The following UNKL variants were observed in gnomAD, a reference collection of about 807,000 sequenced individuals.
UNKL encodes putative E3 ubiquitin-protein ligase UNKL.
UNKL carries 60 observed loss-of-function variants against 78.0 expected under a neutral mutation model. That is an observed-to-expected ratio of 0.77 (90% confidence interval 0.63 to 0.95). The LOEUF (loss-of-function observed/expected upper bound fraction) is 0.95. Ranked by LOEUF, UNKL falls within the 40% of genes least tolerant of loss-of-function variation. The pLI is 0.00. For synonymous variants in UNKL, 608 were observed against 474.8 expected (o/e 1.28, Z -3.65); for missense variants, 1,159 against 1,045.7 (o/e 1.11, Z -1.49).
chr16:1,401,940 C>G (rs1192165797), intron 3 of UNKL, among the ~76,000 whole-genome samples: 4 of 152,210 alleles, frequency 2.6e-5, no homozygotes, highest in African/African-American at 7.2e-5. Context: ...CTCTGTCCCC[C>G]AGGCTGGAGT....
chr16:1,389,670 AG>A (rs1159821901), intron 9 of UNKL, among the ~76,000 whole-genome samples: 1 of 152,358 alleles, frequency 6.6e-6, no homozygotes, highest in African/African-American at 2.4e-5. Context: ...AAGAGACCCC[AG>A]GGATGCCCAC....
chr16:1,394,387 C>T, intron 6 of UNKL, 172 bp from the exon 7 acceptor site: 1 of 785,108 alleles, frequency 1.3e-6, no homozygotes, highest in Non-Finnish European at 2.2e-6. Context: ...TCCCCACATC[C>T]CTCCTCTCTG....
At chr16:1,367,459 G>A in intron 13 of UNKL, 110 bp from the exon 14 acceptor site, 2 of 1,395,996 alleles carry the variant, frequency 1.4e-6, no homozygotes, top group South Asian at 1.4e-5. Flanking sequence ...ATCAGCTGTG[G>A]CCCCCTCACC....
Position 1,385,415 on chromosome 16 carries a change from G to T in UNKL, c.1087-30C>A, listed in dbSNP as rs990424438. On this transcript the variant is annotated intron_variant, in intron 9 of 14. Transcript: ENST00000389221. The stretch of plus-strand genomic sequence containing the variant: ...TCAAAGACATAAACACCGTGAGCGC[G>T]CACCCCCTGCGTGGAGGAGGCAGCG... The T allele has an allele frequency of 2.3e-6, 3 of 1,309,140 alleles. No individual in the cohort carries two copies. The African/African-American group carries it at 4.6e-5, about 20-fold the overall frequency. 81.1% of individuals were successfully genotyped at this position (1,309,140 alleles called of 1,614,324 possible). A position where few individuals can be genotyped will look rare whatever the true frequency, so the allele number is the denominator to read the frequency against.
chr16:1,371,612 C>T lies in UNKL; in HGVS notation c.1265-1G>A, dbSNP rs2035846155. The stretch of plus-strand genomic sequence containing the variant: ...CTAAGATGCAGGTCTAACGCAGAAC[C>T]TGTCAACAGAGCCCCCCATCATCCA... On this transcript the variant is annotated splice_acceptor_variant, in intron 10 of 14. Coordinates refer to ENST00000389221, the MANE Select transcript of UNKL (RefSeq NM_001372107.1). LOFTEE classifies it high-confidence loss of function. The T allele has an allele frequency of 6.5e-7, 1 of 1,536,088 alleles. No homozygotes were observed. The highest frequency in any genetic ancestry group is 1.4e-5 in the African/African-American group (1 of 73,166).
intron 12 of UNKL, 64 bp from the exon 13 acceptor site, chr16:1,367,922 G>T: frequency 7.0e-7 from 1 of 1,435,314 alleles, no homozygotes; most frequent in East Asian, 2.5e-5. Context: ...GGGATTGGTG[G>T]GTGCTATGCC....
Position 1,387,020 on chromosome 16 carries a change from T to C in UNKL, c.1087-1635A>G, listed in dbSNP as rs542755509. Among the ~76,000 whole-genome samples, 121 of 152,072 alleles carry C rather than the reference T, an allele frequency of 8.0e-4. No homozygotes were observed. The highest frequency in any genetic ancestry group is 1.5e-3 in the Non-Finnish European group (99 of 67,988). Reference sequence around the variant, plus strand: ...CAAGCCATGAAAAAACGGACCACAGTCCACCCCGTGAGCATCAGGGACGGC... The same window carrying C: ...CAAGCCATGAAAAAACGGACCACAGCCCACCCCGTGAGCATCAGGGACGGC... On this transcript the variant is annotated intron_variant, in intron 9 of 14. Transcript: ENST00000389221. The surrounding 1 kb of genome is among the most constrained non-coding windows in gnomAD (Gnocchi z 4.1).
At chr16:1,411,184 C>G (rs2038023262) in intron 2 of UNKL, among the ~76,000 whole-genome samples, 1 of 151,988 alleles carries the variant, frequency 6.6e-6, no homozygotes, top group African/African-American at 2.4e-5. Context: ...TAGCAAAACC[C>G]CTTCTCTACT....
At chr16:1,368,091 C>G (rs998161056) in intron 12 of UNKL, 1 of 579,788 alleles carries the variant, frequency 1.7e-6, no homozygotes, top group Non-Finnish European at 3.1e-6. Flanking sequence ...ACCAGATCTA[C>G]GCCTTCCTGG....
At chr16:1,368,608 CAAAAAAAA>C (rs757374554) in intron 12 of UNKL, among the ~76,000 whole-genome samples, 6 of 42,148 alleles carry the variant, frequency 1.4e-4, no homozygotes, top group Admixed American at 7.3e-4. Context: ...GACTCCGTCT[CAAAAAAAA>C]AAAAAAAAAA....
chr16:1,394,340 G>A lies in UNKL; in HGVS notation c.853-125C>T, dbSNP rs2037171209. On this transcript the variant is annotated intron_variant, in intron 6 of 14. Transcript: ENST00000389221. ...CGTAACAAGACACCCCTGAAAAGGG[G>A]GGCGTGGGCCCTGCCCTCCTCCACG... 4 of 1,192,402 alleles carry A rather than the reference G, an allele frequency of 3.4e-6. No homozygotes were observed. The South Asian group carries it at 5.2e-5, about 16-fold the overall frequency. 73.9% of individuals were successfully genotyped at this position (1,192,402 alleles called of 1,614,324 possible). A position where few individuals can be genotyped will look rare whatever the true frequency, so the allele number is the denominator to read the frequency against.
At position 1,403,617 on chromosome 16, in the gene UNKL, A is replaced by G. The variant is rs973574147; in HGVS notation, c.288-273T>C. ...ATCGCAAACCCCCAGTCAGCCAAACACAGCAGGAAACACAATGCTGAATTT... is the reference window on the plus strand; with the variant it reads ...ATCGCAAACCCCCAGTCAGCCAAACGCAGCAGGAAACACAATGCTGAATTT... On this transcript the variant is annotated intron_variant, in intron 2 of 14. Coordinates refer to ENST00000389221, the MANE Select transcript of UNKL (RefSeq NM_001372107.1). This position sits in a 1 kb window ranked among gnomAD's most constrained non-coding sequence, Gnocchi z 4.8. Among the ~76,000 whole-genome samples the G allele has an allele frequency of 6.6e-6, 1 of 152,188 alleles. No individual in the cohort carries two copies. The highest frequency in any genetic ancestry group is 1.5e-5 in the Non-Finnish European group (1 of 68,038).
At chr16:1,405,503 G>A (rs1475300030) in intron 2 of UNKL, among the ~76,000 whole-genome samples, 9 of 151,930 alleles carry the variant, frequency 5.9e-5, no homozygotes, top group Non-Finnish European at 1.0e-4. Flanking sequence ...TTGAACCCGG[G>A]AGGCGGGGGT....
chr16:1,386,279 G>A lies in UNKL; in HGVS notation c.1087-894C>T, dbSNP rs535472510. Among the ~76,000 whole-genome samples the A allele has an allele frequency of 6.0e-4, 92 of 152,182 alleles. 1 individual carries two copies. Among genetic ancestry groups the A allele is most frequent in the South Asian group, 5.2e-3 (25 of 4,818 alleles). On this transcript the variant is annotated intron_variant, in intron 9 of 14. Coordinates refer to ENST00000389221, the MANE Select transcript of UNKL (RefSeq NM_001372107.1). ...CAAAAAAAATTAGCCAAGGCCGGGC[G>A]CGGTGGCTCACACCTGTAATCGCAG... is the stretch of plus-strand genomic sequence containing the variant.
chr16:1,376,583 G>C lies in UNKL; in HGVS notation c.1265-4972C>G, dbSNP rs527843295. ...CCACCTCTTCCGAGTGTCTGTCCAAGTTTCTTCTTATAGGGAGACTGGTCA... is the reference window on the plus strand; with the variant it reads ...CCACCTCTTCCGAGTGTCTGTCCAACTTTCTTCTTATAGGGAGACTGGTCA... On this transcript the variant is annotated intron_variant, in intron 10 of 14. Transcript: ENST00000389221. Among the ~76,000 whole-genome samples the C allele has an allele frequency of 2.6e-5, 4 of 152,260 alleles. No homozygotes were observed. The South Asian group carries it at 8.3e-4, about 32-fold the overall frequency.
intron 10 of UNKL, among the ~76,000 whole-genome samples, chr16:1,382,181 C>T (rs1273786045): frequency 6.6e-6 from 1 of 152,236 alleles, no homozygotes; most frequent in East Asian, 1.9e-4. Context: ...ACACAGCACT[C>T]CCACCCATGG....
At chr16:1,393,043 C>G in intron 7 of UNKL, 67 bp from the exon 8 acceptor site, 7 of 1,472,224 alleles carry the variant, frequency 4.8e-6, no homozygotes, top group Non-Finnish European at 6.5e-6. Flanking sequence ...GCAGAAGTCT[C>G]CGCACCACAC....
At position 1,380,673 on chromosome 16, in the gene UNKL, A is replaced by ATTTTTTTT. The variant is rs57595079; in HGVS notation, c.1264+4527_1264+4534dup. 5.5e-3 allele frequency among the ~76,000 whole-genome samples: 542 copies of ATTTTTTTT among 99,364 alleles called. 28 individuals are homozygous for ATTTTTTTT. The highest frequency in any genetic ancestry group is 0.018 in the African/African-American group (444 of 24,732). The allele number at this position is 99,364 out of a possible 152,430, so 65.2% of individuals were successfully genotyped here. On this transcript the variant is annotated intron_variant, in intron 10 of 14. Transcript: ENST00000389221. ...TTCACCTCTGAGTAGCTGGTTCAGG[A>ATTTTTTTT]TTTTTTTTTTTTTTTTTTTGAGAAC...
intron 13 of UNKL, 133 bp downstream of exon 13, chr16:1,367,523 C>G (rs1471160131): frequency 2.2e-6 from 2 of 894,530 alleles, no homozygotes; most frequent in Non-Finnish European, 3.2e-6. Context: ...CCCCTCCCGT[C>G]TCACCCCCCA....
Sources: allele counts gnomAD v4.1 joint callset (sites outside exome capture counted in the v4.1 genomes callset), GRCh38; gene constraint gnomAD v4.1.1; non-coding constraint Gnocchi (gnomAD v3.1); transcripts MANE v1.5; gene names NCBI Gene and HGNC (gene_info 2026-07-23, HGNC 2026-07-21).